TRDMT1: variants seen among roughly 807,000 people sequenced by gnomAD.
TRDMT1 encodes tRNA aspartic acid methyltransferase 1.
A neutral mutation model predicts 51.2 loss-of-function variants in TRDMT1; 49 were observed. The ratio of observed to expected loss-of-function variants is 0.96; its 90% CI spans 0.76 to 1.21. The LOEUF (loss-of-function observed/expected upper bound fraction) is 1.21, where lower values mean the gene tolerates loss of function less well. Among genes scored for constraint, TRDMT1 ranks in the 50% most tolerant of loss-of-function variants. TRDMT1 has a pLI of 0.00. For synonymous variants in TRDMT1, 187 were observed against 164.6 expected, an observed-to-expected ratio of 1.14 and a Z score of -1.04; for missense variants, 534 against 462.3, an observed-to-expected ratio of 1.16 and a Z score of -1.42.
chr10:17,167,037 C>A (rs1841315349), intron 3 of TRDMT1, among the ~76,000 whole-genome samples: 1 of 152,140 alleles, frequency 6.6e-6, no homozygotes, highest in Non-Finnish European at 1.5e-5. Flanking sequence ...CCTCTGTACT[C>A]CTGTGACACT....
At position 17,144,793 on chromosome 10, in the gene TRDMT1, C is replaced by T. The variant is rs1316235823; in HGVS notation, c.*4247G>A. 1.1e-5 allele frequency: 11 copies of T among 984,194 alleles called. No homozygotes were observed. Among genetic ancestry groups the T allele is most frequent in the Non-Finnish European group, 1.1e-5 (9 of 829,652 alleles). 61.0% of individuals were successfully genotyped at this position (984,194 alleles called of 1,614,324 possible). ...AGAGAGAAACGGAAGCTAGAAACAACAACAACAAAAAATACTTTTTCTTTT... is the reference window on the plus strand; with the variant it reads ...AGAGAGAAACGGAAGCTAGAAACAATAACAACAAAAAATACTTTTTCTTTT... On this transcript the variant is annotated 3_prime_UTR_variant, in exon 11 of 11. Coordinates refer to ENST00000377799, the MANE Select transcript of TRDMT1 (RefSeq NM_004412.7).
chr10:17,174,692 A>C, intron 1 of TRDMT1, 32 bp from the exon 2 acceptor site: 6 of 1,494,320 alleles, frequency 4.0e-6, no homozygotes, highest in Non-Finnish European at 5.6e-6. Flanking sequence ...CTTGAAAAGA[A>C]AAGTCCTTAA....
rs139323864 is a variant in TRDMT1, at chr10:17,145,438, C to A, written c.*3602G>T. On this transcript the variant is annotated 3_prime_UTR_variant, in exon 11 of 11. Coordinates refer to ENST00000377799, the MANE Select transcript of TRDMT1 (RefSeq NM_004412.7). ...AAGAGATTAACTAGTAGACAGAGGTCCAAAGGCCATGTCTTTAAAAATTAT... is the reference window on the plus strand; with the variant it reads ...AAGAGATTAACTAGTAGACAGAGGTACAAAGGCCATGTCTTTAAAAATTAT... The A allele has an allele frequency of 9.0e-5, 89 of 985,276 alleles. No homozygotes were observed. In the African/African-American group the frequency reaches 1.4e-3, roughly 15 times the overall value. 61.0% of individuals were successfully genotyped at this position (985,276 alleles called of 1,614,324 possible).
Position 17,146,213 on chromosome 10 carries a change from A to T in TRDMT1, c.*2827T>A. 1.0e-6 allele frequency: 1 copy of T among 985,464 alleles called. No homozygotes were observed. The highest frequency in any genetic ancestry group is 1.2e-6 in the Non-Finnish European group (1 of 829,940). The allele number at this position is 985,464 out of a possible 1,614,324, so 61.0% of individuals were successfully genotyped here. A position where few individuals can be genotyped will look rare whatever the true frequency, so the allele number is the denominator to read the frequency against. ...TGCTGGGTGGACCCTCACTGTTCAC[A>T]ATTTCAACTACTGTTTTTGCCTCTT... On this transcript the variant is annotated 3_prime_UTR_variant, in exon 11 of 11. Transcript: ENST00000377799.
chr10:17,165,161 C>A (rs1182140355), intron 3 of TRDMT1, among the ~76,000 whole-genome samples: 5 of 152,098 alleles, frequency 3.3e-5, no homozygotes, highest in African/African-American at 1.2e-4. Context: ...GGTACTGGTA[C>A]CAAAACAGAG....
rs548006770 is a variant in TRDMT1, at chr10:17,169,758, G to A, written c.175-841C>T. 2.6e-5 allele frequency among the ~76,000 whole-genome samples: 4 copies of A among 152,300 alleles called. No homozygotes were observed. In the South Asian group the frequency reaches 8.3e-4, roughly 32 times the overall value. On this transcript the variant is annotated intron_variant, in intron 2 of 10. Transcript: ENST00000377799. ...AAAGAGTGAGTTAACGTGGGAACATGTCAGTTGTCTCCATTGTATTAACAG... is the reference window on the plus strand; with the variant it reads ...AAAGAGTGAGTTAACGTGGGAACATATCAGTTGTCTCCATTGTATTAACAG...
At chr10:17,169,306 C>G (rs866370027) in intron 2 of TRDMT1, 10 of 1,172,404 alleles carry the variant, frequency 8.5e-6, no homozygotes, top group Middle Eastern at 3.8e-4. Context: ...TTTTAAATAC[C>G]TACCTGTCAA....
At chr10:17,184,024 GAA>G (rs1843600733) in intron 1 of TRDMT1, among the ~76,000 whole-genome samples, 1 of 152,166 alleles carries the variant, frequency 6.6e-6, no homozygotes, top group African/African-American at 2.4e-5. Flanking sequence ...ACTACCTTAT[GAA>G]AGTCTTCTAA....
chr10:17,174,178 C>T (rs1404591263), intron 2 of TRDMT1, among the ~76,000 whole-genome samples: 1 of 152,170 alleles, frequency 6.6e-6, no homozygotes, highest in East Asian at 1.9e-4. Context: ...AAGAAGCATT[C>T]AGTAAAAGCC....
chr10:17,151,843 A>G (rs780335806), intron 10 of TRDMT1: 63 of 940,708 alleles, frequency 6.7e-5, no homozygotes, highest in Non-Finnish European at 8.0e-5. Flanking sequence ...AACTATCACA[A>G]TAACTCTATG....
intron 1 of TRDMT1, among the ~76,000 whole-genome samples, chr10:17,188,900 CA>C (rs1844311082): frequency 6.6e-6 from 1 of 152,098 alleles, no homozygotes; most frequent in South Asian, 2.1e-4. Flanking sequence ...CAATAACATC[CA>C]ACACTTGTAA....
chr10:17,172,398 C>T (rs1842141940), intron 2 of TRDMT1, among the ~76,000 whole-genome samples: 1 of 152,018 alleles, frequency 6.6e-6, no homozygotes, highest in African/African-American at 2.4e-5. Context: ...TGGCTCATGC[C>T]TGTAATCCCA....
intron 3 of TRDMT1, among the ~76,000 whole-genome samples, chr10:17,167,514 G>A (rs1841377021): frequency 6.6e-6 from 1 of 151,946 alleles, no homozygotes; most frequent in Non-Finnish European, 1.5e-5. Context: ...GATTACTACT[G>A]CTATTTTCAT....
In TRDMT1 at chr10:17,144,317, G is replaced by A. The variant is rs1837924119; in HGVS notation, c.*4723C>T. ...GAAATCAAAATGCAAACAAAATACAGAGCAAATATTTGAAGTAAACACTGA... is the reference window on the plus strand; with the variant it reads ...GAAATCAAAATGCAAACAAAATACAAAGCAAATATTTGAAGTAAACACTGA... On this transcript the variant is annotated 3_prime_UTR_variant, in exon 11 of 11. Coordinates refer to ENST00000377799, the MANE Select transcript of TRDMT1 (RefSeq NM_004412.7). 1.0e-6 allele frequency: 1 copy of A among 985,388 alleles called. No homozygotes were observed. The highest frequency in any genetic ancestry group is 1.7e-5 in the African/African-American group (1 of 57,318). The allele number at this position is 985,388 out of a possible 1,614,324, so 61.0% of individuals were successfully genotyped here. A position where few individuals can be genotyped will look rare whatever the true frequency, so the allele number is the denominator to read the frequency against.
chr10:17,168,881 C>A lies in TRDMT1; in HGVS notation c.211G>T (p.Asp71Tyr), dbSNP rs371526424. Residue 71 changes from aspartate (D) to tyrosine (Y), a missense_variant, in exon 3 of 11, where the codon GAT becomes TAT. By Grantham distance (160) the Asp-to-Tyr change is radical. Transcript: ENST00000377799. ...CAGGGAGGGCTCATTAAAATCATAT[C>A]AAAAGATAATCTGTCAAACTCTTCG... ...TLEEFDRLSF[D>Y]MILMSPPCQP... 1.9e-6 allele frequency: 3 copies of A among 1,612,602 alleles called. No homozygotes were observed. Among genetic ancestry groups the A allele is most frequent in the East Asian group, 2.2e-5 (1 of 44,828 alleles).
chr10:17,177,387 G>T (rs1471818490), intron 1 of TRDMT1, among the ~76,000 whole-genome samples: 1 of 151,416 alleles, frequency 6.6e-6, no homozygotes, highest in Non-Finnish European at 1.5e-5. Flanking sequence ...TTTTTAGTAG[G>T]GACAGGGTTT....
At position 17,162,793 on chromosome 10, in the gene TRDMT1, AAT is replaced by A. The variant is rs538555157; in HGVS notation, c.252-558_252-557del. 2.7e-3 allele frequency among the ~76,000 whole-genome samples: 408 copies of A among 152,314 alleles called. 1 individual carries two copies. Among genetic ancestry groups the A allele is most frequent in the Middle Eastern group, 0.01 (3 of 294 alleles). On this transcript the variant is annotated intron_variant, in intron 3 of 10. Coordinates refer to ENST00000377799, the MANE Select transcript of TRDMT1 (RefSeq NM_004412.7). ...GGAAGGCAGAGGTTTAAAAGAAAAA[AAT>A]CCTTACATATCTAATAAGTACACTT...
chr10:17,178,369 G>C (rs562409844), intron 1 of TRDMT1, among the ~76,000 whole-genome samples: 1 of 152,086 alleles, frequency 6.6e-6, no homozygotes, highest in East Asian at 1.9e-4. Flanking sequence ...ATATTGTTTG[G>C]TTCTTTTTAA....
At chr10:17,190,369 T>C (rs903267525) in intron 1 of TRDMT1, among the ~76,000 whole-genome samples, 2 of 149,406 alleles carry the variant, frequency 1.3e-5, no homozygotes, top group African/African-American at 5.0e-5. Context: ...TTTGCTCTCA[T>C]ACATCAACTT....
Sources: gnomAD v4.1 joint callset for allele counts (sites outside exome capture counted in the v4.1 genomes callset) on GRCh38, gnomAD v4.1.1 for gene constraint, MANE v1.5 for transcripts, NCBI Gene and HGNC (gene_info 2026-07-23, HGNC 2026-07-21) for gene names.